SPTLC3: variants seen among roughly 807,000 people sequenced by gnomAD.
SPTLC3 encodes the protein serine palmitoyltransferase long chain base subunit 3.
Under a neutral mutation model 59.3 loss-of-function variants are expected in SPTLC3, and 36 were observed. The ratio of observed to expected loss-of-function variants is 0.61; its 90% CI spans 0.47 to 0.80. The LOEUF (loss-of-function observed/expected upper bound fraction) is 0.80. SPTLC3 is among the 30% of genes least tolerant of loss of function. The probability of loss-of-function intolerance (pLI) is 0.00; values close to 1 mark genes in which losing one functional copy is unlikely to be tolerated. For missense variants in SPTLC3, 625 were observed against 685.1 expected, an observed-to-expected ratio of 0.91 and a Z score of 0.98; for synonymous variants, 257 against 240.8, an observed-to-expected ratio of 1.07 and a Z score of -0.62.
chr20:13,110,532 C>A (rs1009398366), intron 7 of SPTLC3, among the ~76,000 whole-genome samples: 1 of 152,110 alleles, frequency 6.6e-6, no homozygotes, highest in Non-Finnish European at 1.5e-5. Context: ...AAAGGCGTTT[C>A]GCAGCTGGGT....
chr20:13,018,809 T>C (rs570413760), intron 1 of SPTLC3, among the ~76,000 whole-genome samples: 2 of 152,322 alleles, frequency 1.3e-5, no homozygotes, highest in African/African-American at 4.8e-5. Context: ...TGGCTACCTT[T>C]GTCTCAGTTG....
intron 1 of SPTLC3, among the ~76,000 whole-genome samples, chr20:13,036,107 T>C (rs1193450902): frequency 6.6e-6 from 1 of 152,180 alleles, no homozygotes; most frequent in Admixed American, 6.6e-5. Context: ...AGCAGAGTTT[T>C]CTACTGAGGA....
At chr20:13,073,820 C>A in intron 3 of SPTLC3, 3 of 592,762 alleles carry the variant, frequency 5.1e-6, no homozygotes, top group South Asian at 4.5e-5. Flanking sequence ...TTGGCCCCAA[C>A]TCAGTTTGGG....
intron 8 of SPTLC3, among the ~76,000 whole-genome samples, chr20:13,125,796 C>G (rs913811010): frequency 6.6e-6 from 1 of 152,210 alleles, no homozygotes; most frequent in Non-Finnish European, 1.5e-5. Flanking sequence ...CCCAGAACCA[C>G]CACACCATCA....
chr20:13,061,390 C>G (rs1026594622), intron 2 of SPTLC3, among the ~76,000 whole-genome samples: 3 of 152,192 alleles, frequency 2.0e-5, no homozygotes, highest in African/African-American at 7.2e-5. Context: ...AGCCCATCCA[C>G]CTGCCCCCTC....
chr20:13,096,809 T>G (rs1174848494), intron 6 of SPTLC3, among the ~76,000 whole-genome samples: 3 of 152,124 alleles, frequency 2.0e-5, no homozygotes, highest in Non-Finnish European at 4.4e-5. Context: ...ACAACATATA[T>G]AAAATTAAAA....
At chr20:13,012,437 GTT>G (rs1384480911) in intron 1 of SPTLC3, among the ~76,000 whole-genome samples, 1 of 152,070 alleles carries the variant, frequency 6.6e-6, no homozygotes, top group Non-Finnish European at 1.5e-5. Context: ...TAAATAAGAA[GTT>G]TACAATTTAT....
At position 13,074,485 on chromosome 20, in the gene SPTLC3, A is replaced by C. The variant is rs766367401; in HGVS notation, c.595A>C (p.Arg199=). 2.0e-5 allele frequency: 32 copies of C among 1,613,430 alleles called. 1 individual carries two copies. The South Asian group carries it at 3.4e-4, about 17-fold the overall frequency. Residue 199 remains arginine, a synonymous_variant, in exon 4 of 12, where the codon AGG becomes CGG. Coordinates refer to ENST00000399002, the MANE Select transcript of SPTLC3 (RefSeq NM_018327.4). ...EVYGTGVAST[R]HEMGTLDKHK... ...GTATGGCACAGGCGTGGCCAGCACC[A>C]GGCATGAAATGGGTATGTACATTCA... is the stretch of plus-strand genomic sequence containing the variant.
At position 13,167,433 on chromosome 20, in the gene SPTLC3, G is replaced by A. The variant is rs1443270106; in HGVS notation, c.*2566G>A. The A allele has an allele frequency of 6.6e-6, 1 of 152,052 alleles. No homozygotes were observed. The highest frequency in any genetic ancestry group is 1.5e-5 in the Non-Finnish European group (1 of 68,024). The allele number at this position is 152,052 out of a possible 1,614,324, so 9.4% of individuals were successfully genotyped here. ...TTTTCTATAATGTTATGCGCACTCA[G>A]CCCTTCTGTTCACATTTACACACAT... On this transcript the variant is annotated 3_prime_UTR_variant, in exon 12 of 12. Transcript: ENST00000399002.
At chr20:13,056,923 G>T (rs965940984) in intron 2 of SPTLC3, among the ~76,000 whole-genome samples, 1 of 151,760 alleles carries the variant, frequency 6.6e-6, no homozygotes, top group African/African-American at 2.4e-5. Flanking sequence ...TGTATTTTTA[G>T]TACAGACAGC....
chr20:13,077,541 T>A (rs1163416313), intron 4 of SPTLC3, among the ~76,000 whole-genome samples: 1 of 151,990 alleles, frequency 6.6e-6, no homozygotes, highest in Non-Finnish European at 1.5e-5. Context: ...CATTCTTGAA[T>A]CCTGTGAATA....
intron 2 of SPTLC3, among the ~76,000 whole-genome samples, chr20:13,062,122 G>A (rs1416755141): frequency 1.3e-5 from 2 of 152,120 alleles, no homozygotes; most frequent in Non-Finnish European, 2.9e-5. Flanking sequence ...CCTCCCTAGG[G>A]TATCTGCATA....
intron 9 of SPTLC3, among the ~76,000 whole-genome samples, chr20:13,143,327 T>A (rs2038429618): frequency 6.6e-6 from 1 of 152,292 alleles, no homozygotes; most frequent in East Asian, 1.9e-4. Context: ...CCATAGAATT[T>A]TTCAAATAAA....
chr20:13,139,805 CATAA>C (rs1004073340), intron 9 of SPTLC3, among the ~76,000 whole-genome samples: 3 of 152,162 alleles, frequency 2.0e-5, no homozygotes, highest in Admixed American at 6.5e-5. Flanking sequence ...CTATTTTCTT[CATAA>C]ATAAACTCTT....
intron 1 of SPTLC3, among the ~76,000 whole-genome samples, chr20:13,024,424 T>C (rs1051835807): frequency 2.0e-5 from 3 of 152,334 alleles, no homozygotes; most frequent in African/African-American, 4.8e-5. Context: ...TCCATCCATA[T>C]GTTTTATGCA....
chr20:13,065,371 C>A (rs4814197), intron 2 of SPTLC3, among the ~76,000 whole-genome samples: 3 of 149,486 alleles, frequency 2.0e-5, no homozygotes, highest in African/African-American at 2.5e-5. Flanking sequence ...TGCTTTTTAC[C>A]TTATATTCTA....
chr20:13,039,835 G>A (rs556533042), intron 1 of SPTLC3, among the ~76,000 whole-genome samples: 10 of 151,670 alleles, frequency 6.6e-5, no homozygotes, highest in Non-Finnish European at 1.0e-4. Context: ...AAAATCAACC[G>A]CAAATTTATA....
chr20:13,050,870 A>C (rs922098379), intron 2 of SPTLC3: 1 of 152,212 alleles, frequency 6.6e-6, no homozygotes, highest in Admixed American at 6.5e-5. Context: ...TCAGACAAAC[A>C]AATGCCGAGA....
intron 9 of SPTLC3, among the ~76,000 whole-genome samples, chr20:13,144,416 G>C (rs2038457428): frequency 6.6e-6 from 1 of 152,198 alleles, no homozygotes; most frequent in South Asian, 2.1e-4. Flanking sequence ...CTGAGAAATA[G>C]ATGTAGTAGC....
Sources: gnomAD v4.1 joint callset for allele counts (sites outside exome capture counted in the v4.1 genomes callset) on GRCh38, gnomAD v4.1.1 for gene constraint, MANE v1.5 for transcripts, NCBI Gene and HGNC (gene_info 2026-07-23, HGNC 2026-07-21) for gene names.